The following GTF2IRD1 variants were observed in gnomAD, a reference collection of about 807,000 sequenced individuals.
GTF2IRD1 encodes GTF2I repeat domain containing 1.
Under a neutral mutation model 113.2 loss-of-function variants are expected in GTF2IRD1, and 26 were observed. That is an observed-to-expected ratio of 0.23 (90% confidence interval 0.17 to 0.32). The LOEUF (loss-of-function observed/expected upper bound fraction) is 0.32, where lower values mean the gene tolerates loss of function less well. Ranked by LOEUF, GTF2IRD1 falls within the 10% of genes least tolerant of loss-of-function variation. The pLI, the probability that GTF2IRD1 is intolerant of heterozygous loss-of-function variation, is 1.00. For synonymous variants in GTF2IRD1, 484 were observed against 529.1 expected (o/e 0.91, Z 1.17); for missense variants, 864 against 1,280.8 (o/e 0.67, Z 4.97).
At chr7:74,564,652 A>T (rs1348668016) in intron 22 of GTF2IRD1, among the ~76,000 whole-genome samples, 1 of 152,132 alleles carries the variant, frequency 6.6e-6, no homozygotes, top group African/African-American at 2.4e-5. Context: ...GCTACTCGGG[A>T]GGCTGAGGCG....
At chr7:74,541,911 A>G (rs1308640197) in intron 14 of GTF2IRD1, among the ~76,000 whole-genome samples, 3 of 150,034 alleles carry the variant, frequency 2.0e-5, no homozygotes, top group Non-Finnish European at 4.4e-5. Context: ...AAAATAACTA[A>G]ATAGATAGAT....
intron 6 of GTF2IRD1, among the ~76,000 whole-genome samples, chr7:74,520,722 A>C (rs1797232400): frequency 7.0e-6 from 1 of 143,768 alleles, no homozygotes; most frequent in African/African-American, 2.6e-5. Flanking sequence ...GCTTGAGCCC[A>C]GGAGTTCGAG....
chr7:74,496,440 C>T (rs1795703485), intron 1 of GTF2IRD1, among the ~76,000 whole-genome samples: 1 of 127,540 alleles, frequency 7.8e-6, no homozygotes. Flanking sequence ...TGTGTGTATG[C>T]ATTTGAGTGT....
At chr7:74,489,967 A>AT (rs1451918015) in intron 1 of GTF2IRD1, among the ~76,000 whole-genome samples, 10 of 151,484 alleles carry the variant, frequency 6.6e-5, no homozygotes, top group South Asian at 4.2e-4. Context: ...TGGAACTCAG[A>AT]TTTTTTTTGT....
intron 25 of GTF2IRD1, among the ~76,000 whole-genome samples, chr7:74,596,213 G>C (rs1315714069): frequency 6.6e-6 from 1 of 152,064 alleles, no homozygotes; most frequent in Non-Finnish European, 1.5e-5. Flanking sequence ...TGTAATCCCA[G>C]CACTTTGGAA....
intron 25 of GTF2IRD1, among the ~76,000 whole-genome samples, chr7:74,600,188 G>T (rs1224845268): frequency 1.3e-5 from 2 of 152,160 alleles, no homozygotes; most frequent in Non-Finnish European, 2.9e-5. Flanking sequence ...TCAGCATTTA[G>T]GGAAGCTGAG....
intron 9 of GTF2IRD1, among the ~76,000 whole-genome samples, chr7:74,531,854 TCTCTGCCCCCCAC>T (rs1232805921): frequency 9.9e-5 from 15 of 152,164 alleles, no homozygotes; most frequent in African/African-American, 3.4e-4. Context: ...GTGGTACAGC[TCTCTGCCCCCCAC>T]CTCTGCCCCA....
chr7:74,575,384 G>A (rs1443230365), intron 22 of GTF2IRD1, among the ~76,000 whole-genome samples: 1 of 152,216 alleles, frequency 6.6e-6, no homozygotes, highest in Non-Finnish European at 1.5e-5. Context: ...GATGGACAGG[G>A]AAGATGGTAC....
intron 2 of GTF2IRD1, among the ~76,000 whole-genome samples, chr7:74,508,476 G>A (rs1796425919): frequency 6.6e-6 from 1 of 152,106 alleles, no homozygotes; most frequent in South Asian, 2.1e-4. Context: ...TGGATCACTA[G>A]GTCAGTGGTT....
intron 22 of GTF2IRD1, among the ~76,000 whole-genome samples, chr7:74,560,879 C>T (rs1440020074): frequency 1.3e-5 from 2 of 152,064 alleles, no homozygotes; most frequent in East Asian, 1.9e-4. Context: ...CCACACCCGA[C>T]CTCCTGACCC....
chr7:74,551,591 T>C (rs1339485842), intron 17 of GTF2IRD1, among the ~76,000 whole-genome samples: 2 of 151,568 alleles, frequency 1.3e-5, no homozygotes, highest in African/African-American at 4.9e-5. Context: ...GATAAGAAGG[T>C]GACATTGAAG....
chr7:74,545,696 G>A (rs773436286), intron 15 of GTF2IRD1, 48 bp from the exon 16 acceptor site: 13 of 1,429,592 alleles, frequency 9.1e-6, no homozygotes, highest in South Asian at 6.9e-5. Flanking sequence ...AACATCAGCC[G>A]AGAAGCTGCC....
intron 22 of GTF2IRD1, among the ~76,000 whole-genome samples, chr7:74,580,774 G>C (rs1220451635): frequency 2.0e-5 from 3 of 152,130 alleles, no homozygotes; most frequent in African/African-American, 7.2e-5. Flanking sequence ...GTGGGCAGGA[G>C]GTCGCTGCTG....
Position 74,539,958 on chromosome 7 carries a change from G to C in GTF2IRD1, c.1608G>C (p.Glu536Asp), listed in dbSNP as rs1390118167. ...CGGAGGATTCTGGTTATGGGATGGA[G>C]ATGCTGACAGGTAAGAAATGGACCT... ...LPSEDSGYGM[E>D]MLTDKGLSED... The change falls in exon 14 of 27, where the codon GAG (glutamate) becomes GAC (aspartate). Residue 536 changes from glutamate (E) to aspartate (D), a missense_variant. Glu to Asp is a conservative substitution (Grantham distance 45, BLOSUM62 2). Around this residue, in one of 7 missense-constraint regions of GTF2IRD1, gnomAD observed 218 missense variants for 352.6 expected, o/e 0.62. Transcript: ENST00000424337. The C allele has an allele frequency of 6.2e-7, 1 of 1,611,214 alleles. No homozygotes were observed. The highest frequency in any genetic ancestry group is 1.3e-5 in the African/African-American group (1 of 74,838).
At chr7:74,489,531 CG>C (rs1342100614) in intron 1 of GTF2IRD1, among the ~76,000 whole-genome samples, 3 of 151,962 alleles carry the variant, frequency 2.0e-5, no homozygotes, top group Non-Finnish European at 4.4e-5. Context: ...TTAGTAGAGA[CG>C]GGGTTTCGCC....
Position 74,466,947 on chromosome 7 carries a change from T to C in GTF2IRD1, c.-7+12771T>C, listed in dbSNP as rs1482765795. On this transcript the variant is annotated intron_variant, in intron 1 of 26. Transcript: ENST00000424337. The stretch of plus-strand genomic sequence containing the variant: ...GGGTGGGGGCCTCCTCCACCCTTTT[T>C]CTTTCTTTTTTTTTTTTTTTGGAGA... Among the ~76,000 whole-genome samples the C allele has an allele frequency of 1.3e-5, 2 of 150,898 alleles. 1 individual carries two copies. Among genetic ancestry groups the C allele is most frequent in the East Asian group, 3.9e-4 (2 of 5,134 alleles).
chr7:74,581,094 A>ACTGCAACCTCCGCCTCC (rs1186884365), intron 22 of GTF2IRD1, among the ~76,000 whole-genome samples: 2 of 151,700 alleles, frequency 1.3e-5, no homozygotes, highest in Non-Finnish European at 2.9e-5. Flanking sequence ...ATCTCGGCTC[A>ACTGCAACCTCCGCCTCC]CTGCAACCTC....
At chr7:74,461,016 T>A (rs1394490638) in intron 1 of GTF2IRD1, among the ~76,000 whole-genome samples, 1 of 152,176 alleles carries the variant, frequency 6.6e-6, no homozygotes, top group African/African-American at 2.4e-5. Flanking sequence ...GGGGTCCACG[T>A]CCACCTTCCG....
chr7:74,542,872 A>G (rs1394957718), intron 14 of GTF2IRD1, among the ~76,000 whole-genome samples: 1 of 152,246 alleles, frequency 6.6e-6, no homozygotes, highest in East Asian at 1.9e-4. Context: ...TGAGCACAGC[A>G]TCATTGCTGT....
Sources: allele counts gnomAD v4.1 joint callset (sites outside exome capture counted in the v4.1 genomes callset), GRCh38; gene constraint gnomAD v4.1.1; regional missense constraint gnomAD v4.1.1; transcripts MANE v1.5; gene names NCBI Gene and HGNC (gene_info 2026-07-23, HGNC 2026-07-21).